The following EFCAB5 variants were observed in gnomAD, a reference collection of about 807,000 sequenced individuals.
EFCAB5 encodes EF-hand calcium binding domain 5, also known as EF-hand calcium-binding domain-containing protein 5.
A neutral mutation model predicts 167.9 loss-of-function variants in EFCAB5; 131 were observed. The ratio of observed to expected loss-of-function variants is 0.78; its 90% CI spans 0.68 to 0.90. The LOEUF (loss-of-function observed/expected upper bound fraction) is 0.90, where lower values mean the gene tolerates loss of function less well. EFCAB5 is among the 40% of genes least tolerant of loss of function. The pLI is 0.00. For synonymous variants in EFCAB5, 574 were observed against 602.8 expected (o/e 0.95, Z 0.70); for missense variants, 1,663 against 1,745.2 (o/e 0.95, Z 0.84).
chr17:30,012,100 T>C (rs2068917692), intron 7 of EFCAB5, among the ~76,000 whole-genome samples: 1 of 152,220 alleles, frequency 6.6e-6, no homozygotes, highest in African/African-American at 2.4e-5. Flanking sequence ...GAGGGCTCCT[T>C]GGTCTAGTGG....
At chr17:30,060,263 C>G (rs776937221) in intron 14 of EFCAB5, among the ~76,000 whole-genome samples, 6 of 151,988 alleles carry the variant, frequency 3.9e-5, no homozygotes, top group Non-Finnish European at 7.4e-5. Flanking sequence ...AGGATTCAAG[C>G]CATTCCACAG....
chr17:30,028,385 T>TA (rs762132399), intron 7 of EFCAB5, among the ~76,000 whole-genome samples: 3 of 152,376 alleles, frequency 2.0e-5, no homozygotes, highest in Non-Finnish European at 2.9e-5. Context: ...CTGTATCTTG[T>TA]ATTTTTTGCT....
chr17:29,981,160 T>TC (rs2068165781), intron 4 of EFCAB5, among the ~76,000 whole-genome samples: 1 of 152,166 alleles, frequency 6.6e-6, no homozygotes, highest in Admixed American at 6.5e-5. Context: ...ACCATGTTGT[T>TC]CCCCAATGTG....
chr17:30,096,897 C>G (rs2071303193), intron 22 of EFCAB5, among the ~76,000 whole-genome samples: 1 of 147,986 alleles, frequency 6.8e-6, no homozygotes, highest in Non-Finnish European at 1.5e-5. Flanking sequence ...CCAGGCTGGT[C>G]TCGAACTCCT....
chr17:29,993,037 C>A, intron 4 of EFCAB5, 128 bp from the exon 5 acceptor site: 1 of 979,022 alleles, frequency 1.0e-6, no homozygotes, highest in Non-Finnish European at 1.4e-6. Context: ...CACTACAGGC[C>A]TGAATCAAAG....
intron 10 of EFCAB5, 116 bp downstream of exon 10, chr17:30,054,264 C>T: frequency 7.6e-7 from 1 of 1,318,702 alleles, no homozygotes; most frequent in Non-Finnish European, 1.0e-6. Flanking sequence ...TCAGATCATG[C>T]AAACCTCAGG....
At chr17:29,988,135 T>C (rs370261812) in intron 4 of EFCAB5, among the ~76,000 whole-genome samples, 1 of 152,176 alleles carries the variant, frequency 6.6e-6, no homozygotes. Flanking sequence ...TGTGAAAGTG[T>C]CTAGCATTAG....
chr17:30,038,559 A>C (rs2069685882), intron 8 of EFCAB5, among the ~76,000 whole-genome samples: 1 of 152,250 alleles, frequency 6.6e-6, no homozygotes, highest in South Asian at 2.1e-4. Context: ...CCCATGGTCA[A>C]GGAGTCAGTC....
At chr17:29,978,095 A>T (rs1401150533) in intron 4 of EFCAB5, among the ~76,000 whole-genome samples, 3 of 152,220 alleles carry the variant, frequency 2.0e-5, no homozygotes, top group Non-Finnish European at 2.9e-5. Context: ...GCCAGGAGAC[A>T]GTGGCTTCCT....
chr17:29,955,501 G>A (rs1300501381), intron 3 of EFCAB5, among the ~76,000 whole-genome samples: 1 of 152,004 alleles, frequency 6.6e-6, no homozygotes, highest in African/African-American at 2.4e-5. Context: ...TGATTGTGAG[G>A]CCTCCCCAGC....
chr17:29,930,272 T>A (rs923201592), intron 1 of EFCAB5: 4 of 481,638 alleles, frequency 8.3e-6, no homozygotes, highest in African/African-American at 8.2e-5. Flanking sequence ...CTACCGCCTC[T>A]CCCCTCGGCG....
At chr17:30,042,112 G>A (rs1316336251) in intron 8 of EFCAB5, among the ~76,000 whole-genome samples, 1 of 151,912 alleles carries the variant, frequency 6.6e-6, no homozygotes. Flanking sequence ...AAGTTCAAGT[G>A]ATTCTCCTGC....
intron 1 of EFCAB5, among the ~76,000 whole-genome samples, chr17:29,935,664 T>A: frequency 6.7e-6 from 1 of 148,340 alleles, no homozygotes; most frequent in Non-Finnish European, 1.5e-5. Context: ...AAAAGAGAAA[T>A]CTGAGGTATC....
intron 14 of EFCAB5, among the ~76,000 whole-genome samples, chr17:30,075,541 C>T (rs908490544): frequency 2.0e-5 from 3 of 152,170 alleles, no homozygotes; most frequent in South Asian, 2.1e-4. Context: ...GGCCATCCCT[C>T]GATTTGGATG....
chr17:29,947,343 T>C (rs796480893), intron 3 of EFCAB5, among the ~76,000 whole-genome samples: 16 of 152,208 alleles, frequency 1.1e-4, no homozygotes, highest in African/African-American at 3.9e-4. Flanking sequence ...CTGTTCTCAC[T>C]TAGAAGTGGG....
At position 30,108,133 on chromosome 17, in the gene EFCAB5, C is replaced by T. The variant is rs1039833451; in HGVS notation, c.*109C>T. 5.6e-5 allele frequency: 68 copies of T among 1,221,280 alleles called. No homozygotes were observed. The highest frequency in any genetic ancestry group is 7.3e-5 in the Non-Finnish European group (65 of 894,186). The allele number at this position is 1,221,280 out of a possible 1,614,324, so 75.7% of individuals were successfully genotyped here. ...ATTGGAAAGGGGTACCTATAAATGT[C>T]TTCTGCTGCTAATATTTATCTCAGC... On this transcript the variant is annotated 3_prime_UTR_variant, in exon 23 of 23. Transcript: ENST00000394835.
At chr17:30,014,434 T>A (rs1441776613) in intron 7 of EFCAB5, among the ~76,000 whole-genome samples, 3 of 152,206 alleles carry the variant, frequency 2.0e-5, no homozygotes, top group Non-Finnish European at 4.4e-5. Flanking sequence ...TGTGGGAGTC[T>A]AAGTGTCTTT....
At chr17:30,076,183 G>A (rs2070864844) in intron 14 of EFCAB5, among the ~76,000 whole-genome samples, 2 of 152,206 alleles carry the variant, frequency 1.3e-5, no homozygotes, top group Admixed American at 1.3e-4. Flanking sequence ...TACCTTTGTG[G>A]TAACCAGGTC....
intron 6 of EFCAB5, among the ~76,000 whole-genome samples, chr17:29,998,437 T>C (rs1440597178): frequency 6.6e-6 from 1 of 152,176 alleles, no homozygotes; most frequent in Non-Finnish European, 1.5e-5. Flanking sequence ...GAGCCCTCAC[T>C]TAGTTCCAGA....
Sources: gnomAD v4.1 joint callset for allele counts (sites outside exome capture counted in the v4.1 genomes callset) on GRCh38, gnomAD v4.1.1 for gene constraint, MANE v1.5 for transcripts, NCBI Gene and HGNC (gene_info 2026-07-23, HGNC 2026-07-21) for gene names.